The following SYT2 variants were observed in gnomAD, a reference collection of about 807,000 sequenced individuals.
SYT2 encodes the protein synaptotagmin 2.
Under a neutral mutation model 39.9 loss-of-function variants are expected in SYT2, and 15 were observed. The ratio of observed to expected loss-of-function variants is 0.38; its 90% confidence interval spans 0.25 to 0.58. SYT2 has a LOEUF of 0.58. Among genes scored for constraint, SYT2 ranks in the 20% least tolerant of loss-of-function variants. The pLI, the probability that SYT2 is intolerant of heterozygous loss-of-function variation, is 0.70. For synonymous variants in SYT2, 181 were observed against 204.5 expected, an observed-to-expected ratio of 0.89 and a Z score of 0.98; for missense variants, 389 against 530.3, an observed-to-expected ratio of 0.73 and a Z score of 2.62.
intron 3 of SYT2, 176 bp downstream of exon 3, chr1:202,604,279 C>A (rs1369725817): frequency 2.1e-5 from 14 of 659,002 alleles, no homozygotes; most frequent in East Asian, 1.8e-4. Flanking sequence ...AGGCCCCCCC[C>A]TCCCAGGGGC....
intron 1 of SYT2, among the ~76,000 whole-genome samples, chr1:202,707,509 G>A (rs1247089128): frequency 6.6e-6 from 1 of 152,186 alleles, no homozygotes; most frequent in East Asian, 1.9e-4. Flanking sequence ...GAAGTCCACA[G>A]AGCAAATCCC....
At chr1:202,651,150 A>T (rs1031469174) in intron 1 of SYT2, among the ~76,000 whole-genome samples, 14 of 152,146 alleles carry the variant, frequency 9.2e-5, no homozygotes, top group African/African-American at 3.4e-4. Context: ...CGGCAGGTCA[A>T]GGGAAAGCCA....
intron 1 of SYT2, among the ~76,000 whole-genome samples, chr1:202,618,435 C>T (rs547165042): frequency 6.5e-5 from 8 of 122,244 alleles, no homozygotes; most frequent in South Asian, 2.6e-4. Context: ...GTGTGTACAG[C>T]GAGACCCCAA....
intron 1 of SYT2, among the ~76,000 whole-genome samples, chr1:202,659,900 A>G (rs1001834032): frequency 1.3e-5 from 2 of 152,118 alleles, no homozygotes; most frequent in Admixed American, 1.3e-4. Context: ...GGTCAGAGCT[A>G]CTACCTGCAG....
chr1:202,592,963 C>T lies in SYT2; in HGVS notation c.*3794G>A, dbSNP rs1175485965. 1 of 152,208 alleles carries T rather than the reference C, an allele frequency of 6.6e-6. No individual in the cohort carries two copies. Among genetic ancestry groups the T allele is most frequent in the African/African-American group, 2.4e-5 (1 of 41,458 alleles). The allele number at this position is 152,208 out of a possible 1,614,324, so 9.4% of individuals were successfully genotyped here. A position where few individuals can be genotyped will look rare whatever the true frequency, so the allele number is the denominator to read the frequency against. On this transcript the variant is annotated 3_prime_UTR_variant, in exon 9 of 9. Transcript: ENST00000367268. ...GAACTGAAATTCAAATGTAACTGGACATCCTGTATTTTTATTTGCCAAATC... is the reference window on the plus strand; with the variant it reads ...GAACTGAAATTCAAATGTAACTGGATATCCTGTATTTTTATTTGCCAAATC...
chr1:202,678,411 G>A (rs1653438461), intron 1 of SYT2, among the ~76,000 whole-genome samples: 1 of 101,128 alleles, frequency 9.9e-6, no homozygotes, highest in Admixed American at 1.0e-4. Flanking sequence ...ATCAGATTTA[G>A]CGTCTGTGAT....
Position 202,601,931 on chromosome 1 carries a change from T to C in SYT2, c.760A>G (p.Ile254Val), listed in dbSNP as rs1690518186. The change falls in exon 6 of 9, where the codon ATT becomes GTT. Residue 254 changes from isoleucine (I) to valine (V), a missense_variant. Ile to Val is a conservative substitution (Grantham distance 29, BLOSUM62 3). Around this residue, in one of 4 missense-constraint regions of SYT2, gnomAD observed 280 missense variants for 335.6 expected, o/e 0.83. Coordinates refer to ENST00000367268, the MANE Select transcript of SYT2 (RefSeq NM_177402.5). This position sits in a 1 kb window ranked among gnomAD's most constrained non-coding sequence, Gnocchi z 4.0. ...PMNTVDLGQP[I>V]EEWRDLQGGE... ...CCTTGCAGGTCTCTCCACTCCTCAA[T>C]GGGCTGGCCGAGGTCCACTGTGTTC... 6.2e-7 allele frequency: 1 copy of C among 1,614,184 alleles called. No homozygotes were observed.
intron 1 of SYT2, among the ~76,000 whole-genome samples, chr1:202,672,357 A>G (rs1371462495): frequency 6.6e-6 from 1 of 152,112 alleles, no homozygotes; most frequent in East Asian, 1.9e-4. Flanking sequence ...CTGCCATGGG[A>G]AGAGGATGTA....
chr1:202,623,563 T>A lies in SYT2; in HGVS notation c.-17-17774A>T, dbSNP rs187309072. 3.5e-3 allele frequency among the ~76,000 whole-genome samples: 540 copies of A among 152,194 alleles called. 3 individuals carry two copies. The highest frequency in any genetic ancestry group is 0.012 in the African/African-American group (505 of 41,520). ...ATGCTTGGGAGCAGGCCGGGAAGGG[T>A]GGGCGACCCGGAATGAGTGATTGAG... On this transcript the variant is annotated intron_variant, in intron 1 of 8. Transcript: ENST00000367268. The surrounding 1 kb of genome is among the most constrained non-coding windows in gnomAD (Gnocchi z 4.2).
intron 1 of SYT2, among the ~76,000 whole-genome samples, chr1:202,648,838 G>A (rs1211424047): frequency 6.6e-6 from 1 of 152,232 alleles, no homozygotes; most frequent in Non-Finnish European, 1.5e-5. Context: ...GCACAACAGG[G>A]CTTGAGGTCA....
rs1027813293 is a variant in SYT2 at position 202,596,535 on chromosome 1, G to A, written c.*222C>T. ...TGCAGCAAGGACAGCTCCTGGGACCGTGAACAGAGCCAGGCTTCTCTTTCA... is the reference window on the plus strand; with the variant it reads ...TGCAGCAAGGACAGCTCCTGGGACCATGAACAGAGCCAGGCTTCTCTTTCA... On this transcript the variant is annotated 3_prime_UTR_variant, in exon 9 of 9. Coordinates refer to ENST00000367268, the MANE Select transcript of SYT2 (RefSeq NM_177402.5). 9.2e-5 allele frequency: 48 copies of A among 520,798 alleles called. 2 individuals carry two copies. In the South Asian group the frequency reaches 1.0e-3, roughly 11 times the overall value. 32.3% of individuals were successfully genotyped at this position (520,798 alleles called of 1,614,324 possible). A position where few individuals can be genotyped will look rare whatever the true frequency, so the allele number is the denominator to read the frequency against.
At position 202,605,673 on chromosome 1, in the gene SYT2, C is replaced by A. The variant is rs2149072039; in HGVS notation, c.100G>T (p.Gly34Trp). The change falls in exon 2 of 9, where the codon GGG (glycine) becomes TGG (tryptophan). Residue 34 changes from glycine to tryptophan, a missense_variant. By Grantham distance (184) the Gly-to-Trp change is radical (BLOSUM62 -2). Around this residue, in one of 4 missense-constraint regions of SYT2, gnomAD observed 280 missense variants for 335.6 expected, o/e 0.83. Transcript: ENST00000367268. The part of the protein sequence containing the change: ...IGPVDNSTES[G>W]GAGESQEDMF... ...TCCTCCTGGCTCTCCCCAGCACCCC[C>A]ACTCTCAGTGGAGTTGTCCACGGGT... 1 of 1,614,036 alleles carries A rather than the reference C, an allele frequency of 6.2e-7. No homozygotes were observed. Among genetic ancestry groups the A allele is most frequent in the East Asian group, 2.2e-5 (1 of 44,874 alleles).
intron 1 of SYT2, among the ~76,000 whole-genome samples, chr1:202,609,187 T>TAGGG (rs1690807055): frequency 6.6e-6 from 1 of 151,772 alleles, no homozygotes; most frequent in Non-Finnish European, 1.5e-5. Flanking sequence ...TTCATCCATG[T>TAGGG]CCCTACAAAG....
chr1:202,664,402 G>A (rs978312491), intron 1 of SYT2, among the ~76,000 whole-genome samples: 9 of 152,198 alleles, frequency 5.9e-5, no homozygotes, highest in African/African-American at 1.9e-4. Context: ...ATACATACAT[G>A]CAATGAAATA....
chr1:202,701,887 A>T (rs947618189), intron 1 of SYT2, among the ~76,000 whole-genome samples: 15 of 152,186 alleles, frequency 9.9e-5, no homozygotes, highest in African/African-American at 3.6e-4. Context: ...AAGTTCAGAA[A>T]GTTTAAGTAA....
intron 1 of SYT2, among the ~76,000 whole-genome samples, chr1:202,635,618 A>C (rs1691719366): frequency 6.6e-6 from 1 of 152,182 alleles, no homozygotes; most frequent in African/African-American, 2.4e-5. Context: ...CAGCTCCAGA[A>C]GCAGACATTT....
intron 1 of SYT2, among the ~76,000 whole-genome samples, chr1:202,673,181 G>A (rs1653217189): frequency 6.8e-6 from 1 of 147,712 alleles, no homozygotes; most frequent in Non-Finnish European, 1.5e-5. Context: ...TAGATGGTGG[G>A]CTTGGGTTTA....
intron 1 of SYT2, chr1:202,632,186 G>T: frequency 9.9e-6 from 7 of 705,166 alleles, no homozygotes; most frequent in Non-Finnish European, 1.0e-5. Flanking sequence ...ATTGCTGTGG[G>T]GGTCTCAGGA....
intron 1 of SYT2, among the ~76,000 whole-genome samples, chr1:202,667,966 C>T (rs936185153): frequency 6.6e-6 from 1 of 152,200 alleles, no homozygotes; most frequent in Non-Finnish European, 1.5e-5. Flanking sequence ...CCACCTCGGC[C>T]TCCCAAAGTG....
Sources: allele counts gnomAD v4.1 joint callset (sites outside exome capture counted in the v4.1 genomes callset), GRCh38; gene constraint gnomAD v4.1.1; regional missense constraint gnomAD v4.1.1; non-coding constraint Gnocchi (gnomAD v3.1); transcripts MANE v1.5; gene names NCBI Gene and HGNC (gene_info 2026-07-23, HGNC 2026-07-21).